Variants in EXOC7 observed in about 807,000 individuals in gnomAD.
The protein encoded by EXOC7 is exocyst complex component Exo70.
Under a neutral mutation model 87.6 loss-of-function variants are expected in EXOC7, and 51 were observed. That is an observed-to-expected ratio of 0.58 (90% CI 0.46 to 0.73). The LOEUF is 0.73. EXOC7 is among the 30% of genes least tolerant of loss of function. The pLI, the probability that EXOC7 is intolerant of heterozygous loss-of-function variation, is 0.00. For synonymous variants in EXOC7, 327 were observed against 357.1 expected, an observed-to-expected ratio of 0.92 and a Z score of 0.95; for missense variants, 744 against 888.4, an observed-to-expected ratio of 0.84 and a Z score of 2.07.
chr17:76,097,637 A>G (rs1409092561), intron 5 of EXOC7, among the ~76,000 whole-genome samples, 159 bp downstream of exon 5: 1 of 141,954 alleles, frequency 7.0e-6, no homozygotes, highest in Admixed American at 7.5e-5. Flanking sequence ...CCGGGTATGC[A>G]GAGGCTGCAG....
chr17:76,083,306 C>A lies in EXOC7; in HGVS notation c.*342G>T. The stretch of plus-strand genomic sequence containing the variant: ...CCTCTGACCTAGGCTGGAGGGAGGG[C>A]CCTTCTGCCCTGCTGCTCTTGGTAC... On this transcript the variant is annotated 3_prime_UTR_variant, in exon 19 of 19. Coordinates refer to ENST00000589210, the MANE Select transcript of EXOC7 (RefSeq NM_001013839.4). 3.8e-6 allele frequency: 1 copy of A among 263,484 alleles called. No homozygotes were observed. Among genetic ancestry groups the A allele is most frequent in the Non-Finnish European group, 7.4e-6 (1 of 135,516 alleles). 16.3% of individuals were successfully genotyped at this position (263,484 alleles called of 1,614,324 possible).
chr17:76,088,420 GTGCTGGGCCGGGA>G, intron 10 of EXOC7, 31 bp downstream of exon 10: 1 of 1,575,094 alleles, frequency 6.3e-7, no homozygotes, highest in Non-Finnish European at 8.7e-7. Context: ...GGTCACTGTG[GTGCTGGGCCGGGA>G]GGGAGGGAGA....
rs1434363748 is a variant in EXOC7 at position 76,082,456 on chromosome 17, C to T, written c.*1192G>A. 6.3e-7 allele frequency: 1 copy of T among 1,596,350 alleles called. No homozygotes were observed. Among genetic ancestry groups the T allele is most frequent in the Non-Finnish European group, 8.5e-7 (1 of 1,170,946 alleles). On this transcript the variant is annotated 3_prime_UTR_variant, in exon 19 of 19. Transcript: ENST00000589210. ...AACAGCTCCTTTCCCTGTATCTCTCCCCACAGAGCCCTCCAGAGGAGTAAA... is the reference window on the plus strand; with the variant it reads ...AACAGCTCCTTTCCCTGTATCTCTCTCCACAGAGCCCTCCAGAGGAGTAAA...
intron 12 of EXOC7, chr17:76,087,144 TG>T (rs2067248145): frequency 8.5e-6 from 4 of 472,072 alleles, no homozygotes; most frequent in Non-Finnish European, 1.2e-5. Context: ...GCCCCCAAAA[TG>T]GGACGGGAGG....
intron 18 of EXOC7, 105 bp downstream of exon 18, chr17:76,083,901 G>A: frequency 6.7e-7 from 1 of 1,482,560 alleles, no homozygotes; most frequent in Non-Finnish European, 9.0e-7. Context: ...TGGATCTGCT[G>A]CCTAAATCCA....
chr17:76,098,198 A>C, intron 4 of EXOC7, 180 bp from the exon 5 acceptor site: 1 of 578,106 alleles, frequency 1.7e-6, no homozygotes, highest in Non-Finnish European at 3.1e-6. Flanking sequence ...GTGCAGTGAC[A>C]CAATCTTGGC....
chr17:76,082,064 G>A lies in EXOC7; in HGVS notation c.*1584C>T, dbSNP rs769275133. 43 of 1,591,294 alleles carry A rather than the reference G, an allele frequency of 2.7e-5. No homozygotes were observed. Among genetic ancestry groups the A allele is most frequent in the Non-Finnish European group, 3.6e-5 (42 of 1,170,264 alleles). On this transcript the variant is annotated 3_prime_UTR_variant, in exon 19 of 19. Transcript: ENST00000589210. The stretch of plus-strand genomic sequence containing the variant: ...TCCTGCTGAAGGTGGGCAGGGGCTG[G>A]GGGGTAAGGAATGAGGCCTAGGTGC...
intron 5 of EXOC7, among the ~76,000 whole-genome samples, chr17:76,095,442 A>G (rs2067704398): frequency 6.6e-6 from 1 of 152,174 alleles, no homozygotes; most frequent in African/African-American, 2.4e-5. Context: ...CCCTAGTTGT[A>G]AGTTTTAAAT....
In EXOC7 at chr17:76,088,722, C is replaced by A. The variant is rs768523168; in HGVS notation, c.1200+49G>T. 3.7e-6 allele frequency: 6 copies of A among 1,609,592 alleles called. No individual in the cohort carries two copies. In the African/African-American group the frequency reaches 4.0e-5, roughly 11 times the overall value. ...GGAGGGATGGGGCGGCCACACCCGGCAGCACGATGCCTCCTGGCTGTGTTT... is the reference window on the plus strand; with the variant it reads ...GGAGGGATGGGGCGGCCACACCCGGAAGCACGATGCCTCCTGGCTGTGTTT... On this transcript the variant is annotated intron_variant, in intron 9 of 18. Transcript: ENST00000589210.
intron 16 of EXOC7, 85 bp downstream of exon 16, chr17:76,084,432 G>C: frequency 1.3e-6 from 2 of 1,567,510 alleles, no homozygotes; most frequent in Non-Finnish European, 1.8e-6. Context: ...ATCCCAGAGG[G>C]ATGCTTGTCC....
At chr17:76,096,705 C>A (rs555458040) in intron 5 of EXOC7, among the ~76,000 whole-genome samples, 1 of 152,028 alleles carries the variant, frequency 6.6e-6, no homozygotes, top group Admixed American at 6.6e-5. Flanking sequence ...TACAGGCATG[C>A]GCCACCACGC....
rs146250593 is a variant in EXOC7 at position 76,083,721 on chromosome 17, G to A, written c.1982C>T (p.Pro661Leu). 115 of 1,613,484 alleles carry A rather than the reference G, an allele frequency of 7.1e-5. No homozygotes were observed. Among genetic ancestry groups the A allele is most frequent in the African/African-American group, 6.4e-4 (48 of 75,036 alleles). The change falls in exon 19 of 19, where the codon CCG (proline) becomes CTG (leucine). Residue 661 changes from proline to leucine, a missense_variant. Pro to Leu is a moderately conservative substitution (Grantham distance 98). Transcript: ENST00000589210. ...CACCCCGTACTTGATGTACTTCTCC[G>A]GGTTCTTGGTGAAGGGCACGCTGCC... ...KFGSVPFTKN[P>L]EKYIKYGVEQ...
chr17:76,097,778 C>T lies in EXOC7; in HGVS notation c.640+18G>A. On this transcript the variant is annotated intron_variant, in intron 5 of 18. Transcript: ENST00000589210. ...CTCTGCCTCTGGTGTGTCATGTGGC[C>T]AAGCCAGAATCCCTTACCTTGGTTG... 1.3e-6 allele frequency: 2 copies of T among 1,590,222 alleles called. No homozygotes were observed. The highest frequency in any genetic ancestry group is 8.6e-7 in the Non-Finnish European group (1 of 1,162,826).
rs201573073 is a variant in EXOC7, at chr17:76,081,426, G to A, written c.*2222C>T. On this transcript the variant is annotated 3_prime_UTR_variant, in exon 19 of 19. Coordinates refer to ENST00000589210, the MANE Select transcript of EXOC7 (RefSeq NM_001013839.4). ...CGGTGAGTCAAGTCGGGAGGAGGCC[G>A]ACAGAGGGCTGCTGGAGGCGGGTGG... The A allele has an allele frequency of 4.0e-4, 650 of 1,613,650 alleles. No homozygotes were observed. The highest frequency in any genetic ancestry group is 4.8e-4 in the Non-Finnish European group (572 of 1,179,876).
At position 76,100,980 on chromosome 17, in the gene EXOC7, AAACAACAACAAC is replaced by A. The variant is rs564691005; in HGVS notation, c.417+279_417+290del. ...CAGAGCAAGACTCTGTCTCAGGAAA[AAACAACAACAAC>A]AACAACAACAACAACAAATCAAATG... On this transcript the variant is annotated intron_variant, in intron 4 of 18. Transcript: ENST00000589210. The A allele has an allele frequency of 3.9e-4, 135 of 344,738 alleles. 1 individual carries two copies. Among genetic ancestry groups the A allele is most frequent in the African/African-American group, 2.9e-3 (109 of 37,182 alleles). The allele number at this position is 344,738 out of a possible 1,614,324, so 21.4% of individuals were successfully genotyped here.
chr17:76,087,631 G>A (rs527982462), intron 12 of EXOC7, 23 bp downstream of exon 12: 81 of 1,549,842 alleles, frequency 5.2e-5, no homozygotes, highest in Non-Finnish European at 7.0e-5. Context: ...GGGGCAGGGG[G>A]CCCAACTGGG....
chr17:76,096,511 C>CAAAAA (rs780542530), intron 5 of EXOC7, among the ~76,000 whole-genome samples: 5 of 70,022 alleles, frequency 7.1e-5, no homozygotes, highest in Admixed American at 1.7e-4. Context: ...GACTCTGTCT[C>CAAAAA]AAAAAAAAAA....
intron 6 of EXOC7, 113 bp from the exon 7 acceptor site, chr17:76,091,348 GAGC>G: frequency 1.3e-6 from 1 of 787,030 alleles, no homozygotes; most frequent in Admixed American, 2.1e-5. Context: ...CCCCAACAGT[GAGC>G]AGGCCTTTCC....
At chr17:76,102,332 T>A (rs1450576626) in intron 2 of EXOC7, among the ~76,000 whole-genome samples, 2 of 151,980 alleles carry the variant, frequency 1.3e-5, no homozygotes, top group Non-Finnish European at 2.9e-5. Context: ...ACCCAGAATT[T>A]GGGAGGCTGA....
Sources: gnomAD v4.1 joint callset for allele counts (sites outside exome capture counted in the v4.1 genomes callset) on GRCh38, gnomAD v4.1.1 for gene constraint, MANE v1.5 for transcripts, NCBI Gene and HGNC (gene_info 2026-07-23, HGNC 2026-07-21) for gene names.